Variants in LSG1 observed in about 807,000 individuals in gnomAD.
The protein encoded by LSG1 is large 60S subunit nuclear export GTPase 1.
In LSG1, 55 loss-of-function variants were observed where a neutral mutation model predicts 82.6. The observed-to-expected ratio is 0.67, with a 90% CI of 0.54 to 0.83. LSG1 has a LOEUF of 0.83. LSG1 is among the 40% of genes least tolerant of loss of function. LSG1 has a pLI of 0.00. For missense variants in LSG1, 809 were observed against 807.9 expected, an observed-to-expected ratio of 1.00 and a Z score of -0.02; for synonymous variants, 272 against 282.5, an observed-to-expected ratio of 0.96 and a Z score of 0.37.
chr3:194,655,108 G>A (rs779349863), intron 7 of LSG1, among the ~76,000 whole-genome samples: 3 of 152,130 alleles, frequency 2.0e-5, no homozygotes, highest in Admixed American at 6.5e-5. Flanking sequence ...GAAAACTTGG[G>A]AGAAGCAAAT....
At chr3:194,650,786 T>C in intron 10 of LSG1, 95 bp downstream of exon 10, 1 of 1,302,636 alleles carries the variant, frequency 7.7e-7, no homozygotes, top group Non-Finnish European at 1.1e-6. Context: ...TATTTTCAAT[T>C]CTTCATCAAA....
At chr3:194,651,990 G>A (rs1623913) in intron 8 of LSG1, among the ~76,000 whole-genome samples, 1 of 151,946 alleles carries the variant, frequency 6.6e-6, no homozygotes, top group African/African-American at 2.4e-5. Context: ...GGGGGTTGGG[G>A]CAGAGAGAAG....
In LSG1 at chr3:194,670,139, T is replaced by C. The variant is rs1481703239; in HGVS notation, c.100-4A>G. ...CATTGAGTTCACTTGTGTGCAACTA[T>C]GAAAAAACACAGGGTGATAAATACA... On this transcript the variant is annotated splice_polypyrimidine_tract_variant and splice_region_variant and intron_variant, in intron 1 of 13. Transcript: ENST00000265245. The C allele has an allele frequency of 1.9e-6, 3 of 1,541,210 alleles. No individual in the cohort carries two copies. Among genetic ancestry groups the C allele is most frequent in the South Asian group, 2.3e-5 (2 of 88,010 alleles).
At chr3:194,644,459 A>T in intron 13 of LSG1, 114 bp downstream of exon 13, 1 of 451,706 alleles carries the variant, frequency 2.2e-6, no homozygotes, top group Admixed American at 4.4e-5. Context: ...CCCTTTTTGG[A>T]ATTATTAAAC....
chr3:194,656,987 G>A (rs1408793377), intron 7 of LSG1, among the ~76,000 whole-genome samples: 12 of 152,086 alleles, frequency 7.9e-5, no homozygotes, highest in African/African-American at 1.2e-4. Flanking sequence ...ATCACACGCC[G>A]GGGACTGTTG....
chr3:194,644,377 AAAATAAAAAT>A lies in LSG1; in HGVS notation c.1797+186_1797+195del, dbSNP rs1205176262. ...GAGCGAGACTCCGTCTCAAAAAAAA[AAAATAAAAAT>A]AAATAAATAAATAAATAAATAAATA... On this transcript the variant is annotated intron_variant, in intron 13 of 13. Coordinates refer to ENST00000265245, the MANE Select transcript of LSG1 (RefSeq NM_018385.3). Among the ~76,000 whole-genome samples the A allele has an allele frequency of 3.3e-4, 28 of 86,052 alleles. 2 individuals carry two copies. Among genetic ancestry groups the A allele is most frequent in the African/African-American group, 1.1e-3 (27 of 23,804 alleles). 56.5% of individuals were successfully genotyped at this position (86,052 alleles called of 152,430 possible).
intron 7 of LSG1, among the ~76,000 whole-genome samples, chr3:194,657,023 A>G (rs1399337994): frequency 6.6e-6 from 1 of 152,132 alleles, no homozygotes; most frequent in Non-Finnish European, 1.5e-5. Flanking sequence ...GGGGAGGGAT[A>G]ACATTAGGAG....
chr3:194,666,532 A>G lies in LSG1; in HGVS notation c.267T>C (p.Thr89=), dbSNP rs375218949. 5.6e-6 allele frequency: 9 copies of G among 1,613,150 alleles called. No homozygotes were observed. The highest frequency in any genetic ancestry group is 7.6e-6 in the Non-Finnish European group (9 of 1,179,576). ...NIKFVPAEAR[T]GLLSFEESQR... is the part of the protein sequence containing the mutation. ...GGCTCTCCTCGAAAGACAGTAGTCC[A>G]GTTCTAGCCTCAGCAGGCACAAACT... Residue 89 remains threonine (T), a synonymous_variant, in exon 3 of 14, where the codon ACT becomes ACC. Transcript: ENST00000265245.
chr3:194,646,286 T>C (rs1362850779), intron 11 of LSG1, 43 bp from the exon 12 acceptor site: 2 of 1,496,564 alleles, frequency 1.3e-6, no homozygotes, highest in Non-Finnish European at 9.3e-7. Context: ...GATGACAGAA[T>C]ATCACAACAA....
At chr3:194,645,720 A>G (rs1480399313) in intron 12 of LSG1, among the ~76,000 whole-genome samples, 2 of 152,242 alleles carry the variant, frequency 1.3e-5, no homozygotes, top group African/African-American at 4.8e-5. Context: ...TCTCATTTGA[A>G]AAGGAGAAAT....
Position 194,660,130 on chromosome 3 carries a change from A to G in LSG1, c.525T>C (p.Asp175=). Residue 175 remains aspartate, a synonymous_variant, in exon 6 of 14, where the codon GAT becomes GAC. Transcript: ENST00000265245. ...GAGCATCTACTATCTGGACCACAAT[A>G]TCACTGAAAAACAAACACGAGATAG... ...RQLWRVIERS[D]IVVQIVDARN... The G allele has an allele frequency of 6.2e-7, 1 of 1,613,820 alleles. No homozygotes were observed. Among genetic ancestry groups the G allele is most frequent in the Non-Finnish European group, 8.5e-7 (1 of 1,179,684 alleles).
intron 5 of LSG1, among the ~76,000 whole-genome samples, chr3:194,663,922 G>C (rs1461871660): frequency 6.6e-6 from 1 of 152,180 alleles, no homozygotes; most frequent in Non-Finnish European, 1.5e-5. Context: ...AAGTGACTTT[G>C]TCATCACCCT....
At position 194,650,912 on chromosome 3, in the gene LSG1, T is replaced by G; in HGVS notation, c.1388A>C (p.Gln463Pro). The change falls in exon 10 of 14, where the codon CAG becomes CCG. Residue 463 changes from glutamine to proline, a missense_variant. Physicochemically the swap from Gln to Pro is moderately conservative, Grantham distance 76 (BLOSUM62 -1). Transcript: ENST00000265245. Reference protein sequence around the residue: ...MTCSGILPIDQMRDHVPPVSL... With the variant: ...MTCSGILPIDPMRDHVPPVSL... Reference sequence around the variant, plus strand: ...TACAGGAGGAACATGATCTCTCATCTGATCAATTGGGAGGATTCCGCTGCA... The same window carrying G: ...TACAGGAGGAACATGATCTCTCATCGGATCAATTGGGAGGATTCCGCTGCA... 2 of 1,614,120 alleles carry G rather than the reference T, an allele frequency of 1.2e-6. No homozygotes were observed. Among genetic ancestry groups the G allele is most frequent in the South Asian group, 2.2e-5 (2 of 91,072 alleles).
Position 194,648,791 on chromosome 3 carries a change from A to T in LSG1, c.1433T>A (p.Ile478Asn). 2.5e-6 allele frequency: 4 copies of T among 1,613,940 alleles called. No individual in the cohort carries two copies. The highest frequency in any genetic ancestry group is 3.4e-6 in the Non-Finnish European group (4 of 1,179,924). ...GGTAGCTTCTAAAACATGTCTTGGA[A>T]TATTCTGGCAAACGTAGCTTGTCAG... ...VPPVSLVCQN[I>N]PRHVLEATYG... The change falls in exon 11 of 14, where the codon ATT becomes AAT. Residue 478 changes from isoleucine to asparagine, a missense_variant. Transcript: ENST00000265245.
chr3:194,653,008 G>A lies in LSG1; in HGVS notation c.894C>T (p.Pro298=), dbSNP rs267599748. ...ACTCACTGTCATCTTCATCCGTTGT[G>A]GGATTTTCACTAAGTGAAGGAGAAT... is the stretch of plus-strand genomic sequence containing the variant. The part of the protein sequence containing the change: ...ARDSPSLSEN[P]TTDEDDSEYE... The change falls in exon 8 of 14, where the codon CCC becomes CCT. Residue 298 remains proline, a synonymous_variant. Transcript: ENST00000265245. The A allele has an allele frequency of 2.5e-6, 4 of 1,613,968 alleles. No individual in the cohort carries two copies. The highest frequency in any genetic ancestry group is 1.6e-4 in the Middle Eastern group (1 of 6,084).
intron 13 of LSG1, among the ~76,000 whole-genome samples, chr3:194,643,638 G>A (rs1216735050): frequency 6.6e-6 from 1 of 152,158 alleles, no homozygotes; most frequent in Non-Finnish European, 1.5e-5. Flanking sequence ...GGAAAGTTTG[G>A]CAATACCTCA....
rs1718372503 is a variant in LSG1 at position 194,641,277 on chromosome 3, T to G, written c.*791A>C. The G allele has an allele frequency of 6.6e-6, 1 of 152,244 alleles. No homozygotes were observed. The highest frequency in any genetic ancestry group is 6.5e-5 in the Admixed American group (1 of 15,282). The allele number at this position is 152,244 out of a possible 1,614,324, so 9.4% of individuals were successfully genotyped here. ...GTGTGACCATCGCTACAGTCAATTT[T>G]AGGACATTTTTATCACTGCAAAAGA... On this transcript the variant is annotated 3_prime_UTR_variant, in exon 14 of 14. Transcript: ENST00000265245.
chr3:194,641,726 G>A lies in LSG1; in HGVS notation c.*342C>T, dbSNP rs1184079195. On this transcript the variant is annotated 3_prime_UTR_variant, in exon 14 of 14. Coordinates refer to ENST00000265245, the MANE Select transcript of LSG1 (RefSeq NM_018385.3). ...CCTCCCTGGTTCAAGTGATTCTCCT[G>A]CCTCAGCCTCCCGAGTAGCTGGGAT... 2.4e-5 allele frequency: 4 copies of A among 169,012 alleles called. No homozygotes were observed. Among genetic ancestry groups the A allele is most frequent in the Non-Finnish European group, 5.1e-5 (4 of 79,028 alleles). 10.5% of individuals were successfully genotyped at this position (169,012 alleles called of 1,614,324 possible).
In LSG1 at chr3:194,646,108, G is replaced by A. The variant is rs78433342; in HGVS notation, c.1623+56C>T. On this transcript the variant is annotated intron_variant, in intron 12 of 13. Coordinates refer to ENST00000265245, the MANE Select transcript of LSG1 (RefSeq NM_018385.3). ...GAACAGGTTACCATTATCTAAGAAC[G>A]CAGAATGTGGAAAAGACTTGTGTAT... 8.9e-3 allele frequency: 13,493 copies of A among 1,520,330 alleles called. 1,006 individuals carry two copies. The African/African-American group carries it at 0.16, about 18-fold the overall frequency. 94.2% of individuals were successfully genotyped at this position (1,520,330 alleles called of 1,614,324 possible).
Sources: gnomAD v4.1 joint callset for allele counts (sites outside exome capture counted in the v4.1 genomes callset) on GRCh38, gnomAD v4.1.1 for gene constraint, MANE v1.5 for transcripts, NCBI Gene and HGNC (gene_info 2026-07-23, HGNC 2026-07-21) for gene names.